The following IGSF21 variants were observed in gnomAD, a reference collection of about 807,000 sequenced individuals.
IGSF21 encodes the protein immunoglobin superfamily member 21, also known as immunoglobulin superfamily member 21.
A neutral mutation model predicts 46.8 loss-of-function variants in IGSF21; 28 were observed. That is an observed-to-expected ratio of 0.60 (90% CI 0.44 to 0.82). IGSF21 has a LOEUF of 0.82. Ranked by LOEUF, IGSF21 falls within the 40% of genes least tolerant of loss-of-function variation. The probability of loss-of-function intolerance (pLI) is 0.00; values close to 1 mark genes in which losing one functional copy is unlikely to be tolerated. For missense variants in IGSF21, 624 were observed against 665.5 expected (o/e 0.94, Z 0.69); for synonymous variants, 284 against 273.6 (o/e 1.04, Z -0.38).
Position 18,234,289 on chromosome 1 carries a change from C to T in IGSF21, c.183+6279C>T, listed in dbSNP as rs189129324. On this transcript the variant is annotated intron_variant, in intron 2 of 9. Transcript: ENST00000251296. The stretch of plus-strand genomic sequence containing the variant: ...GCCTCCTTCCCCAACCCCTGGCCTT[C>T]CAAAGAGCCAGGTTCTCCCTGATGA... 6.5e-4 allele frequency among the ~76,000 whole-genome samples: 99 copies of T among 152,310 alleles called. 1 individual carries two copies. Among genetic ancestry groups the T allele is most frequent in the Admixed American group, 8.5e-4 (13 of 15,304 alleles).
intron 2 of IGSF21, among the ~76,000 whole-genome samples, chr1:18,282,151 G>C (rs778801017): frequency 9.2e-5 from 14 of 152,160 alleles, no homozygotes; most frequent in Non-Finnish European, 2.1e-4. Flanking sequence ...AAGAGACCCT[G>C]GTGAGGAGTG....
intron 1 of IGSF21, among the ~76,000 whole-genome samples, chr1:18,221,234 G>A (rs1238365960): frequency 1.3e-5 from 2 of 152,166 alleles, no homozygotes; most frequent in Non-Finnish European, 2.9e-5. Context: ...ATGGACCACG[G>A]TGAAGTTATA....
chr1:18,236,337 C>T (rs548000223), intron 2 of IGSF21, among the ~76,000 whole-genome samples: 19 of 152,326 alleles, frequency 1.2e-4, no homozygotes, highest in Admixed American at 1.2e-3. Flanking sequence ...TTCTCATTTG[C>T]CTTCCACCAT....
chr1:18,262,580 A>G (rs1385444750), intron 2 of IGSF21, among the ~76,000 whole-genome samples: 1 of 152,204 alleles, frequency 6.6e-6, no homozygotes, highest in African/African-American at 2.4e-5. Context: ...GATGCACCGT[A>G]AATGTTTATT....
Position 18,143,236 on chromosome 1 carries a change from G to A in IGSF21, c.70+35038G>A, listed in dbSNP as rs560361530. Among the ~76,000 whole-genome samples, 12 of 152,080 alleles carry A rather than the reference G, an allele frequency of 7.9e-5. No individual in the cohort carries two copies. The South Asian group carries it at 8.3e-4, about 11-fold the overall frequency. ...TTTAATCTCATTGGGCCCTTCTGTC[G>A]GGCCTGGGCTCAGGATGCGGAGCTT... is the stretch of plus-strand genomic sequence containing the variant. On this transcript the variant is annotated intron_variant, in intron 1 of 9. Coordinates refer to ENST00000251296, the MANE Select transcript of IGSF21 (RefSeq NM_032880.5).
At position 18,377,307 on chromosome 1, in the gene IGSF21, C is replaced by G. The variant is rs1470494197; in HGVS notation, c.1295-86C>G. ...CTGAGACAGTGCGTGTGATACCTCACAGCAGGTGCTGGGTAAAGGGCCATT... is the reference window on the plus strand; with the variant it reads ...CTGAGACAGTGCGTGTGATACCTCAGAGCAGGTGCTGGGTAAAGGGCCATT... On this transcript the variant is annotated intron_variant, in intron 8 of 9. Transcript: ENST00000251296. The G allele has an allele frequency of 4.2e-6, 5 of 1,195,324 alleles. No individual in the cohort carries two copies. In the Admixed American group the frequency reaches 5.0e-5, roughly 12 times the overall value. The allele number at this position is 1,195,324 out of a possible 1,614,324, so 74.0% of individuals were successfully genotyped here.
chr1:18,116,018 G>C (rs1028260009), intron 1 of IGSF21, among the ~76,000 whole-genome samples: 1 of 152,120 alleles, frequency 6.6e-6, no homozygotes, highest in Admixed American at 6.5e-5. Flanking sequence ...TCCCAGAAAT[G>C]CCTGTTTGGG....
chr1:18,227,931 C>A lies in IGSF21; in HGVS notation c.104C>A (p.Pro35His), dbSNP rs767295536. 15 of 1,614,134 alleles carry A rather than the reference C, an allele frequency of 9.3e-6. No homozygotes were observed. Among genetic ancestry groups the A allele is most frequent in the South Asian group, 6.6e-5 (6 of 91,072 alleles). Residue 35 changes from proline to histidine, a missense_variant, in exon 2 of 10, where the codon CCT (proline) becomes CAT (histidine). Transcript: ENST00000251296. ...YLTVNIEPLPPVVAGDAVTLK... is the reference protein window; with the variant it reads ...YLTVNIEPLPHVVAGDAVTLK... ...ACAGTCAACATTGAGCCTCTCCCCC[C>A]TGTGGTGGCTGGAGACGCCGTGACT...
chr1:18,170,554 A>G (rs946811048), intron 1 of IGSF21, among the ~76,000 whole-genome samples: 8 of 151,718 alleles, frequency 5.3e-5, no homozygotes, highest in African/African-American at 1.9e-4. Context: ...TTGTTTAACT[A>G]ATGTAATCCT....
chr1:18,255,196 G>A (rs897264251), intron 2 of IGSF21, among the ~76,000 whole-genome samples: 2 of 152,180 alleles, frequency 1.3e-5, no homozygotes, highest in African/African-American at 4.8e-5. Context: ...GAGGCTTGGA[G>A]GAGGGGGCTA....
At chr1:18,333,738 T>C (rs2085737735) in intron 3 of IGSF21, among the ~76,000 whole-genome samples, 1 of 152,162 alleles carries the variant, frequency 6.6e-6, no homozygotes, top group Admixed American at 6.5e-5. Context: ...CAGAGCAACA[T>C]ACCAACTCAT....
chr1:18,194,416 C>T (rs1434852607), intron 1 of IGSF21, among the ~76,000 whole-genome samples: 1 of 152,142 alleles, frequency 6.6e-6, no homozygotes, highest in African/African-American at 2.4e-5. Context: ...AGTTTGGGGA[C>T]TGGAAATCTG....
At chr1:18,369,326 G>A (rs1162942474) in intron 6 of IGSF21, among the ~76,000 whole-genome samples, 2 of 152,238 alleles carry the variant, frequency 1.3e-5, no homozygotes, top group Non-Finnish European at 2.9e-5. Context: ...CAGGCTCTCT[G>A]CAAGATGCTT....
intron 1 of IGSF21, among the ~76,000 whole-genome samples, chr1:18,165,797 T>G (rs1272413129): frequency 2.0e-5 from 3 of 152,254 alleles, no homozygotes; most frequent in Non-Finnish European, 2.9e-5. Context: ...AAGCAAGCAT[T>G]AAGTCATAGC....
chr1:18,376,673 G>T, intron 7 of IGSF21, 127 bp from the exon 8 acceptor site: 1 of 858,400 alleles, frequency 1.2e-6, no homozygotes. Flanking sequence ...CTGGAGTTCA[G>T]GGCAGCCACT....
At chr1:18,165,607 C>T (rs1557566271) in intron 1 of IGSF21, among the ~76,000 whole-genome samples, 1 of 152,188 alleles carries the variant, frequency 6.6e-6, no homozygotes, top group South Asian at 2.1e-4. Context: ...TCTTCAAAGA[C>T]TTTCCTCCCC....
intron 2 of IGSF21, among the ~76,000 whole-genome samples, chr1:18,258,489 A>G (rs2124534130): frequency 6.6e-6 from 1 of 152,250 alleles, no homozygotes; most frequent in East Asian, 1.9e-4. Context: ...GAGTCAGGAA[A>G]CCTGGGTTTT....
At chr1:18,295,713 A>G (rs1012002676) in intron 3 of IGSF21, among the ~76,000 whole-genome samples, 1 of 152,184 alleles carries the variant, frequency 6.6e-6, no homozygotes, top group African/African-American at 2.4e-5. Context: ...CAGTGCCAGC[A>G]TCCTTGGTGC....
chr1:18,197,088 C>T (rs2087016945), intron 1 of IGSF21, among the ~76,000 whole-genome samples: 1 of 152,240 alleles, frequency 6.6e-6, no homozygotes, highest in Non-Finnish European at 1.5e-5. Context: ...TTCAGGCAGC[C>T]TCTCTGTCTC....
Sources: gnomAD v4.1 joint callset for allele counts (sites outside exome capture counted in the v4.1 genomes callset) on GRCh38, gnomAD v4.1.1 for gene constraint, MANE v1.5 for transcripts, NCBI Gene and HGNC (gene_info 2026-07-23, HGNC 2026-07-21) for gene names.